Variants in LRP1B observed in about 807,000 individuals in gnomAD.
LRP1B encodes LDL receptor related protein 1B, also known as low-density lipoprotein receptor-related protein 1B.
Under a neutral mutation model 556.6 loss-of-function variants are expected in LRP1B, and 217 were observed. The observed-to-expected ratio is 0.39, with a 90% CI of 0.35 to 0.44. The LOEUF (loss-of-function observed/expected upper bound fraction) is 0.44, where lower values mean the gene tolerates loss of function less well. Among genes scored for constraint, LRP1B ranks in the 20% least tolerant of loss-of-function variants. The pLI, the probability that LRP1B is intolerant of heterozygous loss-of-function variation, is 1.00. For synonymous variants in LRP1B, 2,047 were observed against 1,865.8 expected, an observed-to-expected ratio of 1.10 and a Z score of -2.50; for missense variants, 5,053 against 5,620.8, an observed-to-expected ratio of 0.90 and a Z score of 3.23.
chr2:141,121,837 C>T (rs935297581), intron 7 of LRP1B, among the ~76,000 whole-genome samples: 4 of 152,136 alleles, frequency 2.6e-5, no homozygotes, highest in Admixed American at 6.6e-5. Context: ...CATCACGCTA[C>T]CTGACTTCAT....
At position 141,954,153 on chromosome 2, in the gene LRP1B, C is replaced by T. The variant is rs114388006; in HGVS notation, c.83-143752G>A. On this transcript the variant is annotated intron_variant, in intron 1 of 90. Coordinates refer to ENST00000389484, the MANE Select transcript of LRP1B (RefSeq NM_018557.3). ...CAGGCAAATGTTTTCTATTATTTTT[C>T]TTCACTTTACATTATCTAAATTAAA... Among the ~76,000 whole-genome samples, 1,166 of 152,096 alleles carry T rather than the reference C, an allele frequency of 7.7e-3. 9 individuals carry two copies. Among genetic ancestry groups the T allele is most frequent in the Non-Finnish European group, 0.014 (921 of 67,928 alleles).
chr2:141,223,410 TG>T (rs1683121071), intron 6 of LRP1B, among the ~76,000 whole-genome samples: 1 of 151,806 alleles, frequency 6.6e-6, no homozygotes, highest in Non-Finnish European at 1.5e-5. Context: ...AAAAACATTT[TG>T]TGCTCATGGA....
At chr2:140,377,068 G>A (rs1371438071) in intron 68 of LRP1B, among the ~76,000 whole-genome samples, 3 of 151,988 alleles carry the variant, frequency 2.0e-5, no homozygotes, top group African/African-American at 7.2e-5. Flanking sequence ...TATACACTGA[G>A]GAACAGGATC....
intron 17 of LRP1B, among the ~76,000 whole-genome samples, chr2:140,984,179 C>T (rs1340460627): frequency 6.6e-6 from 1 of 151,794 alleles, no homozygotes; most frequent in Non-Finnish European, 1.5e-5. Context: ...TTTTCCCTTA[C>T]ATATCTCTGT....
At chr2:140,953,906 C>T (rs1376833601) in intron 18 of LRP1B, among the ~76,000 whole-genome samples, 1 of 152,136 alleles carries the variant, frequency 6.6e-6, no homozygotes, top group East Asian at 1.9e-4. Context: ...CACTCTATTA[C>T]CAATTTCCTA....
intron 7 of LRP1B, among the ~76,000 whole-genome samples, chr2:141,139,293 A>T (rs1701572735): frequency 6.6e-6 from 1 of 151,964 alleles, no homozygotes; most frequent in African/African-American, 2.4e-5. Context: ...TCTTTATAAC[A>T]TTTGGTTAAG....
Position 141,128,679 on chromosome 2 carries a change from G to A in LRP1B, c.1013+59742C>T, listed in dbSNP as rs761991942. On this transcript the variant is annotated intron_variant, in intron 7 of 90. Transcript: ENST00000389484. ...CTTGTTGCCCAGGCTGGAGTGCGAT[G>A]GCGTGATCTTGGCTCACCACAACCT... 9.2e-5 allele frequency among the ~76,000 whole-genome samples: 14 copies of A among 152,150 alleles called. 1 individual carries two copies. The highest frequency in any genetic ancestry group is 1.4e-4 in the African/African-American group (6 of 41,432).
At chr2:141,247,756 G>A (rs754669057) in intron 4 of LRP1B, among the ~76,000 whole-genome samples, 12 of 152,072 alleles carry the variant, frequency 7.9e-5, no homozygotes, top group Non-Finnish European at 1.8e-4. Context: ...TTAAATAAGA[G>A]TTCTGAGCCA....
At chr2:141,048,405 CTCTA>C (rs753518894) in intron 11 of LRP1B, among the ~76,000 whole-genome samples, 36 of 152,118 alleles carry the variant, frequency 2.4e-4, no homozygotes, top group Middle Eastern at 3.4e-3. Context: ...TAAAATATAT[CTCTA>C]TCTGTTTTTA....
At chr2:140,438,382 CTT>C (rs1386657116) in intron 66 of LRP1B, among the ~76,000 whole-genome samples, 1 of 152,086 alleles carries the variant, frequency 6.6e-6, no homozygotes, top group African/African-American at 2.4e-5. Context: ...ATACTTATAG[CTT>C]ATAGCTATAA....
intron 43 of LRP1B, among the ~76,000 whole-genome samples, chr2:140,551,251 C>G (rs1350504777): frequency 6.6e-6 from 1 of 152,116 alleles, no homozygotes. Flanking sequence ...GTATGAAGGA[C>G]AGATTGCTTG....
At chr2:141,092,532 T>C (rs946768820) in intron 7 of LRP1B, among the ~76,000 whole-genome samples, 9 of 152,222 alleles carry the variant, frequency 5.9e-5, no homozygotes, top group Non-Finnish European at 2.9e-5. Flanking sequence ...CTATAGCTGT[T>C]ATTTAAAGCC....
At chr2:141,227,509 G>A (rs1052640750) in intron 6 of LRP1B, among the ~76,000 whole-genome samples, 3 of 152,076 alleles carry the variant, frequency 2.0e-5, no homozygotes, top group Non-Finnish European at 4.4e-5. Context: ...TATCTGCCTT[G>A]TGCCATCCTT....
intron 68 of LRP1B, among the ~76,000 whole-genome samples, chr2:140,377,083 TTTG>T (rs941605675): frequency 3.7e-4 from 57 of 152,216 alleles, no homozygotes; most frequent in African/African-American, 1.3e-3. Flanking sequence ...AGGATCTTTT[TTTG>T]TTGTTGTTGA....
intron 2 of LRP1B, among the ~76,000 whole-genome samples, chr2:141,746,769 A>T (rs7574771): frequency 0.036 from 5,429 of 152,198 alleles, 315 homozygotes; most frequent in African/African-American, 0.12. Flanking sequence ...ATGCCAATAA[A>T]CTAAACTTAA....
intron 22 of LRP1B, among the ~76,000 whole-genome samples, chr2:140,905,292 A>C (rs1025393806): frequency 1.3e-5 from 2 of 152,058 alleles, no homozygotes; most frequent in African/African-American, 4.8e-5. Flanking sequence ...CACATTGTCC[A>C]ACAGCTTAAG....
intron 2 of LRP1B, among the ~76,000 whole-genome samples, chr2:141,503,154 T>C (rs1407821877): frequency 1.3e-5 from 2 of 148,258 alleles, no homozygotes; most frequent in Non-Finnish European, 3.0e-5. Flanking sequence ...TATATAATTA[T>C]ATATGAGTAA....
At chr2:140,634,342 T>C (rs1444435410) in intron 41 of LRP1B, among the ~76,000 whole-genome samples, 1 of 152,102 alleles carries the variant, frequency 6.6e-6, no homozygotes, top group African/African-American at 2.4e-5. Context: ...TAATAATATA[T>C]CCAATACATT....
intron 20 of LRP1B, among the ~76,000 whole-genome samples, chr2:140,943,369 G>T (rs1036485060): frequency 6.6e-6 from 1 of 151,972 alleles, no homozygotes; most frequent in Admixed American, 6.6e-5. Flanking sequence ...TGTGAAGGCA[G>T]AAAATTAACA....
Sources: allele counts gnomAD v4.1 joint callset (sites outside exome capture counted in the v4.1 genomes callset), GRCh38; gene constraint gnomAD v4.1.1; transcripts MANE v1.5; gene names NCBI Gene and HGNC (gene_info 2026-07-23, HGNC 2026-07-21).